ZNF74: variants seen among roughly 807,000 people sequenced by gnomAD.
ZNF74 encodes zinc finger protein 74.
ZNF74 carries 12 observed loss-of-function variants against 17.7 expected under a neutral mutation model. That is an observed-to-expected ratio of 0.68 (90% CI 0.43 to 1.10). The LOEUF is 1.10. Ranked by LOEUF, ZNF74 falls within the 50% of genes least tolerant of loss-of-function variation. ZNF74 has a pLI of 0.00. For synonymous variants in ZNF74, 358 were observed against 362.1 expected, an observed-to-expected ratio of 0.99 and a Z score of 0.13; for missense variants, 811 against 881.0, an observed-to-expected ratio of 0.92 and a Z score of 1.01.
At chr22:20,399,649 C>T (rs772087888) in intron 2 of ZNF74, 2 of 357,656 alleles carry the variant, frequency 5.6e-6, no homozygotes, top group South Asian at 2.0e-5. Context: ...TGGCTCACTG[C>T]AACCTCCACC....
Position 20,401,427 on chromosome 22 carries a change from C to T in ZNF74, c.343+55C>T. The T allele has an allele frequency of 8.7e-7, 1 of 1,145,440 alleles. No individual in the cohort carries two copies. Among genetic ancestry groups the T allele is most frequent in the Non-Finnish European group, 1.3e-6 (1 of 784,726 alleles). The allele number at this position is 1,145,440 out of a possible 1,614,324, so 71.0% of individuals were successfully genotyped here. ...AGCCCCAGCACCCCTGGTGGCACCTCCTCCTATGGCCCCTATTTTCCTCCC... is the reference window on the plus strand; with the variant it reads ...AGCCCCAGCACCCCTGGTGGCACCTTCTCCTATGGCCCCTATTTTCCTCCC... On this transcript the variant is annotated intron_variant, in intron 4 of 4. Coordinates refer to ENST00000400451, the MANE Select transcript of ZNF74 (RefSeq NM_003426.4). This position sits in a 1 kb window ranked among gnomAD's most constrained non-coding sequence, Gnocchi z 4.2.
chr22:20,400,541 C>T (rs921502317), intron 2 of ZNF74, 91 bp from the exon 3 acceptor site: 41 of 1,540,956 alleles, frequency 2.7e-5, no homozygotes, highest in Middle Eastern at 1.8e-4. Context: ...GAGGTTAACC[C>T]TTTACTTGTA....
At chr22:20,396,015 A>G (rs771269420) in intron 2 of ZNF74, among the ~76,000 whole-genome samples, 3 of 152,162 alleles carry the variant, frequency 2.0e-5, no homozygotes, top group Non-Finnish European at 2.9e-5. Flanking sequence ...AATGGGACCC[A>G]GATCCCTCCT....
Position 20,406,252 on chromosome 22 carries a change from GAGA to G in ZNF74, c.1223_1225del (p.Lys408del), listed in dbSNP as rs1219178604. The G allele has an allele frequency of 6.2e-7, 1 of 1,608,634 alleles. No homozygotes were observed. Among genetic ancestry groups the G allele is most frequent in the Admixed American group, 1.7e-5 (1 of 59,666 alleles). ...CTGCCACTCATCCCTCACCGTGCAT[GAGA>G]AGATCCACAGCGGGGACAAGCCGTT... is the stretch of plus-strand genomic sequence containing the variant. On this transcript the variant is annotated inframe_deletion, in exon 5 of 5. Coordinates refer to ENST00000400451, the MANE Select transcript of ZNF74 (RefSeq NM_003426.4).
chr22:20,404,609 C>T (rs990295027), intron 4 of ZNF74, among the ~76,000 whole-genome samples: 1 of 152,162 alleles, frequency 6.6e-6, no homozygotes, highest in Non-Finnish European at 1.5e-5. Context: ...TATGAGCCAC[C>T]GCGCCCAGCC....
intron 4 of ZNF74, among the ~76,000 whole-genome samples, chr22:20,403,068 C>A (rs903053595): frequency 4.6e-5 from 7 of 152,180 alleles, no homozygotes; most frequent in Non-Finnish European, 8.8e-5. Flanking sequence ...TGAGCGTCCT[C>A]ACGTGATGTT....
At chr22:20,398,829 T>C (rs2052326370) in intron 2 of ZNF74, among the ~76,000 whole-genome samples, 1 of 152,220 alleles carries the variant, frequency 6.6e-6, no homozygotes, top group Non-Finnish European at 1.5e-5. Context: ...TTCTAAGCAC[T>C]GCCTCAACTA....
rs756458306 is a variant in ZNF74, at chr22:20,406,392, C to T, written c.1359C>T (p.Phe453=). The T allele has an allele frequency of 6.2e-6, 10 of 1,613,872 alleles. No individual in the cohort carries two copies. Among genetic ancestry groups the T allele is most frequent in the Non-Finnish European group, 8.5e-6 (10 of 1,179,988 alleles). The change falls in exon 5 of 5, where the codon TTC becomes TTT. Residue 453 remains phenylalanine (F), a synonymous_variant. Coordinates refer to ENST00000400451, the MANE Select transcript of ZNF74 (RefSeq NM_003426.4). Reference sequence around the variant, plus strand: ...AGTGCGCCGACTGCGGGAAGGGCTTCAGCTGCCACGCGTACCTGCTCGTGC... The same window carrying T: ...AGTGCGCCGACTGCGGGAAGGGCTTTAGCTGCCACGCGTACCTGCTCGTGC... The part of the protein sequence containing the change: ...PFKCADCGKG[F]SCHAYLLVHR...
intron 4 of ZNF74, among the ~76,000 whole-genome samples, chr22:20,402,187 G>T (rs554663023): frequency 5.3e-5 from 8 of 152,098 alleles, no homozygotes; most frequent in Non-Finnish European, 1.2e-4. Flanking sequence ...AGAACACGGG[G>T]GTCGGGGAAG....
intron 2 of ZNF74, chr22:20,400,229 AGAGTT>A (rs1401757040): frequency 5.3e-6 from 1 of 188,648 alleles, no homozygotes; most frequent in African/African-American, 2.4e-5. Flanking sequence ...AGCTTTGAAT[AGAGTT>A]GCTGGGATTT....
intron 2 of ZNF74, 148 bp from the exon 3 acceptor site, chr22:20,400,484 T>C (rs962738227): frequency 5.7e-6 from 5 of 871,930 alleles, no homozygotes; most frequent in East Asian, 2.6e-5. Flanking sequence ...AATTCAGTCA[T>C]GGTCAGTGTC....
chr22:20,398,461 C>T (rs1032518735), intron 2 of ZNF74, among the ~76,000 whole-genome samples: 6 of 151,990 alleles, frequency 3.9e-5, no homozygotes, highest in Admixed American at 6.6e-5. Context: ...ATTCACCAGC[C>T]GATGGACATT....
At position 20,401,178 on chromosome 22, in the gene ZNF74, T is replaced by A; in HGVS notation, c.248-99T>A. 1 of 745,952 alleles carries A rather than the reference T, an allele frequency of 1.3e-6. No homozygotes were observed. Among genetic ancestry groups the A allele is most frequent in the Non-Finnish European group, 2.3e-6 (1 of 440,040 alleles). The allele number at this position is 745,952 out of a possible 1,614,324, so 46.2% of individuals were successfully genotyped here. ...GGACCTCCTGTTCCCAGAGAGGGTG[T>A]CCACTTCACAGGCATTGTCCTTGTT... is the stretch of plus-strand genomic sequence containing the variant. On this transcript the variant is annotated intron_variant, in intron 3 of 4. Transcript: ENST00000400451. The surrounding 1 kb of genome is among the most constrained non-coding windows in gnomAD (Gnocchi z 4.2).
chr22:20,397,071 CTTTCTTTTTCT>C (rs1444346576), intron 2 of ZNF74, among the ~76,000 whole-genome samples: 1 of 146,708 alleles, frequency 6.8e-6, no homozygotes. Context: ...TTTTGTTTTT[CTTTCTTTTTCT>C]TTTTTTTTTT....
At chr22:20,394,947 G>C (rs534788747) in intron 1 of ZNF74, 1 of 484,318 alleles carries the variant, frequency 2.1e-6, no homozygotes, top group African/African-American at 2.0e-5. Flanking sequence ...TTTTAGTAGA[G>C]ACGGGGTTTT....
chr22:20,404,563 C>T (rs1178289794), intron 4 of ZNF74, among the ~76,000 whole-genome samples: 3 of 152,154 alleles, frequency 2.0e-5, no homozygotes, highest in Middle Eastern at 3.4e-3. Flanking sequence ...TCAAGTGATC[C>T]GCCACCTTGA....
At chr22:20,400,030 G>C (rs1269597412) in intron 2 of ZNF74, 1 of 157,952 alleles carries the variant, frequency 6.3e-6, no homozygotes, top group Non-Finnish European at 1.4e-5. Flanking sequence ...CAAGTCTGGA[G>C]TTGGGTGGTG....
chr22:20,399,571 CTT>C (rs362136), intron 2 of ZNF74: 220 of 340,568 alleles, frequency 6.5e-4, no homozygotes, highest in Middle Eastern at 1.9e-3. Flanking sequence ...TTTACATGTC[CTT>C]TTTTTTTTTT....
rs200303466 is a variant in ZNF74, at chr22:20,405,931, G to A, written c.898G>A (p.Gly300Ser). ...NLLEHRRIHT[G>S]EKPFFCGECG... ...TCTGGAGCACCGGCGCATCCACACC[G>A]GCGAGAAGCCCTTCTTCTGCGGCGA... The change falls in exon 5 of 5, where the codon GGC becomes AGC. Residue 300 changes from glycine to serine, a missense_variant. Coordinates refer to ENST00000400451, the MANE Select transcript of ZNF74 (RefSeq NM_003426.4). 2.2e-5 allele frequency: 35 copies of A among 1,613,832 alleles called. No individual in the cohort carries two copies. In the African/African-American group the frequency reaches 4.1e-4, roughly 19 times the overall value.
Sources: gnomAD v4.1 joint callset for allele counts (sites outside exome capture counted in the v4.1 genomes callset) on GRCh38, gnomAD v4.1.1 for gene constraint, Gnocchi (gnomAD v3.1) non-coding constraint, MANE v1.5 for transcripts, NCBI Gene and HGNC (gene_info 2026-07-23, HGNC 2026-07-21) for gene names.